FRYL: variants seen among roughly 807,000 people sequenced by gnomAD.
FRYL encodes protein furry homolog-like.
Under a neutral mutation model 351.2 loss-of-function variants are expected in FRYL, and 150 were observed. The ratio of observed to expected loss-of-function variants is 0.43; its 90% CI spans 0.37 to 0.49. The LOEUF (loss-of-function observed/expected upper bound fraction) is 0.49. FRYL is among the 20% of genes least tolerant of loss of function. The probability of loss-of-function intolerance (pLI) is 0.00; values close to 1 mark genes in which losing one functional copy is unlikely to be tolerated. For missense variants in FRYL, 3,036 were observed against 3,619.3 expected (o/e 0.84, Z 4.13); for synonymous variants, 1,153 against 1,257.1 (o/e 0.92, Z 1.75).
chr4:48,755,488 G>A (rs747967098), intron 1 of FRYL, among the ~76,000 whole-genome samples: 9 of 152,066 alleles, frequency 5.9e-5, no homozygotes, highest in Non-Finnish European at 1.2e-4. Flanking sequence ...CTACCTAATT[G>A]TATGGTCATC....
chr4:48,506,544 C>G (rs1413392019), intron 59 of FRYL: 12 of 145,380 alleles, frequency 8.3e-5, no homozygotes, highest in Non-Finnish European at 1.2e-4. Context: ...TAGCTTTGGA[C>G]AGTTTGATAT....
intron 56 of FRYL, 63 bp downstream of exon 56, chr4:48,514,965 C>T: frequency 7.1e-7 from 1 of 1,412,960 alleles, no homozygotes; most frequent in South Asian, 1.4e-5. Flanking sequence ...GAGGGGCACT[C>T]TTTGGAAGGA....
rs748643221 is a variant in FRYL at position 48,582,553 on chromosome 4, A to G, written c.1930T>C (p.Leu644=). ...LDNAVKMLVQ[L]INQWKQAAQM... ...GCTGCTTGTTTCCACTGATTTATTA[A>G]TTGTACCAACATCTTTACGGCATTA... is the stretch of plus-strand genomic sequence containing the variant. Residue 644 remains leucine, a synonymous_variant, in exon 20 of 64, where the codon TTA becomes CTA. Coordinates refer to ENST00000358350, the MANE Select transcript of FRYL (RefSeq NM_015030.2). 1 of 1,614,112 alleles carries G rather than the reference A, an allele frequency of 6.2e-7. No homozygotes were observed. Among genetic ancestry groups the G allele is most frequent in the South Asian group, 1.1e-5 (1 of 91,080 alleles).
intron 1 of FRYL, among the ~76,000 whole-genome samples, chr4:48,760,384 T>C (rs1774278009): frequency 1.3e-5 from 2 of 152,236 alleles, no homozygotes; most frequent in Admixed American, 1.3e-4. Context: ...TATAATCCTG[T>C]GACCTTGCTG....
At chr4:48,655,674 GTATTATATAATGTATA>G (rs1270295576) in intron 3 of FRYL, among the ~76,000 whole-genome samples, 18 of 145,384 alleles carry the variant, frequency 1.2e-4, no homozygotes, top group African/African-American at 3.3e-4. Context: ...AATGTATAAT[GTATTATATAATGTATA>G]TATTATATAA....
At chr4:48,722,601 T>C (rs1385272065) in intron 1 of FRYL, among the ~76,000 whole-genome samples, 1 of 152,230 alleles carries the variant, frequency 6.6e-6, no homozygotes, top group East Asian at 1.9e-4. Flanking sequence ...GTTTTCATAA[T>C]TTCTTCTGAT....
chr4:48,506,613 CTAATAT>C (rs1721000093), intron 59 of FRYL: 2 of 64,670 alleles, frequency 3.1e-5, no homozygotes, highest in African/African-American at 7.2e-5. Context: ...AACAATACAA[CTAATAT>C]ATATATATAT....
Position 48,497,454 on chromosome 4 carries a change from G to A in FRYL, c.*1968C>T, listed in dbSNP as rs1463750053. 6.6e-6 allele frequency: 1 copy of A among 152,610 alleles called. No homozygotes were observed. The highest frequency in any genetic ancestry group is 2.4e-5 in the African/African-American group (1 of 41,442). The allele number at this position is 152,610 out of a possible 1,614,324, so 9.5% of individuals were successfully genotyped here. A position where few individuals can be genotyped will look rare whatever the true frequency, so the allele number is the denominator to read the frequency against. On this transcript the variant is annotated 3_prime_UTR_variant, in exon 64 of 64. Transcript: ENST00000358350. ...AATATCAACTGAAAGGTTTGGTTGG[G>A]TAGTCAACTAATTTTGTTCTTTTCT...
At chr4:48,714,130 A>T (rs1379963105) in intron 1 of FRYL, among the ~76,000 whole-genome samples, 2 of 152,336 alleles carry the variant, frequency 1.3e-5, no homozygotes, top group African/African-American at 4.8e-5. Context: ...CAGTGTGTAG[A>T]GGGAAATTTA....
chr4:48,678,612 C>T (rs1255313415), intron 3 of FRYL, among the ~76,000 whole-genome samples: 1 of 150,532 alleles, frequency 6.6e-6, no homozygotes, highest in East Asian at 1.9e-4. Flanking sequence ...CATAAATTGC[C>T]AAATAATTTC....
chr4:48,684,959 T>G (rs181072841), intron 2 of FRYL, among the ~76,000 whole-genome samples, 164 bp from the exon 3 acceptor site: 1 of 152,354 alleles, frequency 6.6e-6, no homozygotes, highest in East Asian at 1.9e-4. Context: ...TCTAAGTTTT[T>G]TATTATGGAA....
chr4:48,628,951 T>C (rs1005999701), intron 4 of FRYL, among the ~76,000 whole-genome samples: 2 of 151,242 alleles, frequency 1.3e-5, no homozygotes, highest in African/African-American at 2.4e-5. Flanking sequence ...TTTTATTATA[T>C]AATCTTTAAA....
intron 4 of FRYL, among the ~76,000 whole-genome samples, chr4:48,629,595 A>G (rs1752566147): frequency 6.6e-6 from 1 of 152,192 alleles, no homozygotes; most frequent in Admixed American, 6.5e-5. Context: ...CAGTCTAATT[A>G]GAGAGTAAAG....
chr4:48,720,738 A>G (rs1769376421), intron 1 of FRYL, among the ~76,000 whole-genome samples: 1 of 152,150 alleles, frequency 6.6e-6, no homozygotes, highest in African/African-American at 2.4e-5. Context: ...GTAAAATCAG[A>G]CAATATTTGT....
intron 1 of FRYL, among the ~76,000 whole-genome samples, chr4:48,713,999 A>G (rs557036477): frequency 9.9e-4 from 150 of 152,022 alleles, no homozygotes; most frequent in South Asian, 3.5e-3. Context: ...ATGGAAACTG[A>G]ACAACCTGCT....
At chr4:48,663,237 T>C (rs1257727277) in intron 3 of FRYL, among the ~76,000 whole-genome samples, 3 of 151,986 alleles carry the variant, frequency 2.0e-5, no homozygotes, top group Non-Finnish European at 2.9e-5. Context: ...GGTTCTTATA[T>C]TATATGTAAA....
chr4:48,547,921 T>C (rs1374535301), intron 40 of FRYL, 152 bp from the exon 41 acceptor site: 6 of 488,930 alleles, frequency 1.2e-5, no homozygotes, highest in African/African-American at 3.9e-5. Context: ...AGAGTTCTTA[T>C]ATACTTTTAC....
chr4:48,551,067 A>AT (rs1392858573), intron 37 of FRYL, among the ~76,000 whole-genome samples: 1 of 151,796 alleles, frequency 6.6e-6, no homozygotes, highest in Non-Finnish European at 1.5e-5. Context: ...CTCCATCTCA[A>AT]TAAAAAAAAA....
chr4:48,589,931 T>C, intron 17 of FRYL, 54 bp from the exon 18 acceptor site: 1 of 1,438,700 alleles, frequency 7.0e-7, no homozygotes, highest in East Asian at 2.3e-5. Flanking sequence ...TAAAGAATAC[T>C]TACTTTCTGT....
Sources: allele counts gnomAD v4.1 joint callset (sites outside exome capture counted in the v4.1 genomes callset), GRCh38; gene constraint gnomAD v4.1.1; transcripts MANE v1.5; gene names NCBI Gene and HGNC (gene_info 2026-07-23, HGNC 2026-07-21).